Variants in COLQ observed in about 807,000 individuals in gnomAD.
The protein encoded by COLQ is acetylcholinesterase collagenic tail peptide.
A neutral mutation model predicts 69.0 loss-of-function variants in COLQ; 48 were observed. The observed-to-expected ratio is 0.70, with a 90% CI of 0.55 to 0.88. COLQ has a LOEUF of 0.88. Among genes scored for constraint, COLQ ranks in the 40% least tolerant of loss-of-function variants. COLQ has a pLI of 0.00. For synonymous variants in COLQ, 217 were observed against 211.2 expected, an observed-to-expected ratio of 1.03 and a Z score of -0.24; for missense variants, 618 against 594.6, an observed-to-expected ratio of 1.04 and a Z score of -0.41.
chr3:15,510,812 G>GAGAGAGGAAGGGAGGA (rs2062975720), intron 1 of COLQ, among the ~76,000 whole-genome samples: 1 of 143,396 alleles, frequency 7.0e-6, no homozygotes, highest in African/African-American at 2.6e-5. Context: ...AAGAGACCAA[G>GAGAGAGGAAGGGAGGA]AGAGAGGAAG....
chr3:15,503,688 C>A (rs886418932), intron 1 of COLQ, among the ~76,000 whole-genome samples: 4 of 152,182 alleles, frequency 2.6e-5, no homozygotes, highest in Non-Finnish European at 4.4e-5. Flanking sequence ...CTGTCATCCT[C>A]ATTTTCAGGT....
At position 15,473,879 on chromosome 3, in the gene COLQ, G is replaced by C; in HGVS notation, c.636+121C>G. ...ACTTGCTTCCCGTCCCAAAATAGAA[G>C]TTTCCATGGTTAAACCCACCATCCC... On this transcript the variant is annotated intron_variant, in intron 10 of 16. Transcript: ENST00000383788. This position sits in a 1 kb window ranked among gnomAD's most constrained non-coding sequence, Gnocchi z 4.0. 1.8e-6 allele frequency: 2 copies of C among 1,137,516 alleles called. No homozygotes were observed. The highest frequency in any genetic ancestry group is 2.6e-6 in the Non-Finnish European group (2 of 767,192). 70.5% of individuals were successfully genotyped at this position (1,137,516 alleles called of 1,614,324 possible).
intron 1 of COLQ, among the ~76,000 whole-genome samples, chr3:15,506,301 G>T (rs962159486): frequency 6.6e-6 from 1 of 152,196 alleles, no homozygotes; most frequent in African/African-American, 2.4e-5. Flanking sequence ...TTGTGCTCCA[G>T]ATGAAAGGTA....
chr3:15,515,669 G>A (rs1431769294), intron 1 of COLQ, among the ~76,000 whole-genome samples: 1 of 152,112 alleles, frequency 6.6e-6, no homozygotes, highest in South Asian at 2.1e-4. Flanking sequence ...AACTGGGCGT[G>A]GTGGTGGGAG....
At chr3:15,461,872 G>GT (rs1055630181) in intron 12 of COLQ, among the ~76,000 whole-genome samples, 1 of 151,772 alleles carries the variant, frequency 6.6e-6, no homozygotes, top group East Asian at 1.9e-4. Flanking sequence ...GGTATATACA[G>GT]TTTTTTCCCC....
chr3:15,504,756 AG>A (rs1326625734), intron 1 of COLQ, among the ~76,000 whole-genome samples: 14 of 152,210 alleles, frequency 9.2e-5, no homozygotes, highest in African/African-American at 3.1e-4. Context: ...GCTACTTGGG[AG>A]GCTGAGGCAG....
chr3:15,485,832 C>A (rs2062563639), intron 3 of COLQ, among the ~76,000 whole-genome samples: 2 of 152,208 alleles, frequency 1.3e-5, no homozygotes, highest in South Asian at 4.1e-4. Flanking sequence ...ATGGTATGTG[C>A]ACCTGTGGTC....
intron 12 of COLQ, among the ~76,000 whole-genome samples, chr3:15,460,628 A>G (rs962416067): frequency 4.6e-5 from 7 of 152,328 alleles, no homozygotes; most frequent in African/African-American, 1.7e-4. Context: ...GAGCGAGTTG[A>G]CAGGTATTCG....
At chr3:15,479,986 C>G (rs547325404) in intron 3 of COLQ, among the ~76,000 whole-genome samples, 15 of 152,276 alleles carry the variant, frequency 9.9e-5, no homozygotes, top group African/African-American at 3.6e-4. Context: ...CTGACTCTAG[C>G]TCAGGGACCC....
Position 15,488,241 on chromosome 3 carries a change from C to A in COLQ, c.286G>T (p.Gly96Cys). 1 of 1,613,378 alleles carries A rather than the reference C, an allele frequency of 6.2e-7. No individual in the cohort carries two copies. Among genetic ancestry groups the A allele is most frequent in the African/African-American group, 1.3e-5 (1 of 75,042 alleles). The change falls in exon 3 of 17, where the codon GGC becomes TGC. Residue 96 changes from glycine (G) to cysteine (C), a missense_variant. Physicochemically the swap from Gly to Cys is radical, Grantham distance 159. Transcript: ENST00000383788. ...GGAGGCCCAGGGGAGCCTAGCGAGC[C>A]TTGCATGCACGGGGACTGCGAGGTC... ...LETSQSPCMQ[G>C]SLGSPGPPGP...
At position 15,451,764 on chromosome 3, in the gene COLQ, A is replaced by G; in HGVS notation, c.1299-51T>C. 2.6e-6 allele frequency: 4 copies of G among 1,509,882 alleles called. No individual in the cohort carries two copies. The South Asian group carries it at 4.5e-5, about 17-fold the overall frequency. 93.5% of individuals were successfully genotyped at this position (1,509,882 alleles called of 1,614,324 possible). A position where few individuals can be genotyped will look rare whatever the true frequency, so the allele number is the denominator to read the frequency against. Reference sequence around the variant, plus strand: ...AAAGGCCACCTCTTATATGCTGGTGACTTCCGGTCAAACCTTATCAAACAG... The same window carrying G: ...AAAGGCCACCTCTTATATGCTGGTGGCTTCCGGTCAAACCTTATCAAACAG... On this transcript the variant is annotated intron_variant, in intron 16 of 16. Coordinates refer to ENST00000383788, the MANE Select transcript of COLQ (RefSeq NM_005677.4).
At chr3:15,503,868 T>C (rs1274344910) in intron 1 of COLQ, among the ~76,000 whole-genome samples, 1 of 151,796 alleles carries the variant, frequency 6.6e-6, no homozygotes, top group Admixed American at 6.6e-5. Flanking sequence ...GCAGGAAACC[T>C]CAGAAGAAAT....
intron 1 of COLQ, among the ~76,000 whole-genome samples, chr3:15,516,790 T>C (rs776850396): frequency 2.6e-5 from 4 of 152,196 alleles, no homozygotes; most frequent in Non-Finnish European, 5.9e-5. Flanking sequence ...TATAAAGCAA[T>C]ATTCAATCTT....
chr3:15,453,831 A>G lies in COLQ; in HGVS notation c.1296T>C (p.Pro432=). The change falls in exon 16 of 17, where the codon CCT becomes CCC. Residue 432 remains proline (P), a splice_region_variant and synonymous_variant. Transcript: ENST00000383788. ...GGAGGGAGGGGAGTCATCCCTACCC[A>G]GGGAGATAGGTCTCGCATGTCAGGT... ...FGYLTCETYL[P]GSYGDLQCTQ... is the part of the protein sequence containing the mutation. 6.2e-7 allele frequency: 1 copy of G among 1,603,532 alleles called. No individual in the cohort carries two copies. The highest frequency in any genetic ancestry group is 1.1e-5 in the South Asian group (1 of 89,866).
At chr3:15,471,198 G>C (rs1020401630) in intron 10 of COLQ, among the ~76,000 whole-genome samples, 3 of 152,126 alleles carry the variant, frequency 2.0e-5, no homozygotes, top group African/African-American at 7.2e-5. Flanking sequence ...ACTTCCATTT[G>C]ATTTAGATGA....
At chr3:15,453,220 A>G (rs1339022234) in intron 16 of COLQ, among the ~76,000 whole-genome samples, 1 of 152,214 alleles carries the variant, frequency 6.6e-6, no homozygotes, top group Non-Finnish European at 1.5e-5. Context: ...GCCAGTGTGG[A>G]GCCAGGACAC....
chr3:15,470,676 C>T, intron 10 of COLQ, 60 bp from the exon 11 acceptor site: 1 of 1,486,162 alleles, frequency 6.7e-7, no homozygotes, highest in Non-Finnish European at 9.4e-7. Flanking sequence ...GGCACATCTA[C>T]ACAGGTCTAG....
At chr3:15,465,416 G>A (rs1192153891) in intron 12 of COLQ, among the ~76,000 whole-genome samples, 6 of 147,796 alleles carry the variant, frequency 4.1e-5, no homozygotes, top group Non-Finnish European at 6.0e-5. Context: ...ATAGGCGCCC[G>A]CCACCACGCC....
rs761285078 is a variant in COLQ at position 15,489,601 on chromosome 3, TG to T, written c.142del (p.His48ThrfsTer7). 1 of 1,614,186 alleles carries T rather than the reference TG, an allele frequency of 6.2e-7. No homozygotes were observed. The highest frequency in any genetic ancestry group is 1.1e-5 in the South Asian group (1 of 91,076). ...AGGCGTCAGCAGGCAGCATGCTTTG[TG>T]GCCACCACGCTTCTTCTGATCCAGG... is the stretch of plus-strand genomic sequence containing the variant. ...PSLDQKKRGG[H>X]KACCLLTPPP... On this transcript the variant is annotated frameshift_variant, in exon 2 of 17. Transcript: ENST00000383788. LOFTEE classifies it high-confidence loss of function.
Sources: gnomAD v4.1 joint callset for allele counts (sites outside exome capture counted in the v4.1 genomes callset) on GRCh38, gnomAD v4.1.1 for gene constraint, Gnocchi (gnomAD v3.1) non-coding constraint, MANE v1.5 for transcripts, NCBI Gene and HGNC (gene_info 2026-07-23, HGNC 2026-07-21) for gene names.